Variants in RIT2 observed in about 807,000 individuals in gnomAD.
RIT2 encodes Ras like without CAAX 2.
Under a neutral mutation model 23.7 loss-of-function variants are expected in RIT2, and 24 were observed. The observed-to-expected ratio is 1.01, with a 90% confidence interval of 0.73 to 1.43. The LOEUF (loss-of-function observed/expected upper bound fraction) is 1.43. Ranked by LOEUF, RIT2 falls within the 40% of genes most tolerant of loss-of-function variation. The pLI, the probability that RIT2 is intolerant of heterozygous loss-of-function variation, is 0.00. For synonymous variants in RIT2, 107 were observed against 91.1 expected (o/e 1.17, Z -0.99); for missense variants, 236 against 266.9 (o/e 0.88, Z 0.81).
At chr18:43,037,404 G>C (rs1265160203) in intron 1 of RIT2, among the ~76,000 whole-genome samples, 1 of 152,022 alleles carries the variant, frequency 6.6e-6, no homozygotes, top group Admixed American at 6.5e-5. Context: ...CATTAACTTT[G>C]TTTCTATTTT....
At position 42,754,964 on chromosome 18, in the gene RIT2, C is replaced by G. The variant is rs953378815; in HGVS notation, c.427-11244G>C. Among the ~76,000 whole-genome samples the G allele has an allele frequency of 3.9e-5, 6 of 152,246 alleles. 1 individual carries two copies. In the Middle Eastern group the frequency reaches 0.014, roughly 345 times the overall value. On this transcript the variant is annotated intron_variant, in intron 4 of 4. Transcript: ENST00000326695. ...GGAATCACATTACTAGGATCTAAAT[C>G]CTGGCTACACCACTTTTTAGCCATG...
intron 4 of RIT2, among the ~76,000 whole-genome samples, chr18:42,887,545 C>T (rs1302798198): frequency 6.6e-6 from 1 of 152,120 alleles, no homozygotes; most frequent in Non-Finnish European, 1.5e-5. Context: ...TCCTTCATTA[C>T]TGGTGGAAGA....
At chr18:42,796,060 G>A (rs2143954250) in intron 4 of RIT2, among the ~76,000 whole-genome samples, 1 of 152,220 alleles carries the variant, frequency 6.6e-6, no homozygotes, top group Middle Eastern at 3.4e-3. Context: ...AGCCAGCAGT[G>A]GCAACCCGCT....
At chr18:42,971,251 T>G (rs1910355538) in intron 3 of RIT2, among the ~76,000 whole-genome samples, 1 of 151,982 alleles carries the variant, frequency 6.6e-6, no homozygotes. Context: ...AAAACAACTG[T>G]ATAGACCACC....
chr18:42,955,639 T>G (rs1392784102), intron 3 of RIT2, among the ~76,000 whole-genome samples: 1 of 152,222 alleles, frequency 6.6e-6, no homozygotes. Flanking sequence ...CCAAATATTC[T>G]GATGTAATTT....
chr18:42,776,940 G>T (rs892740361), intron 4 of RIT2, among the ~76,000 whole-genome samples: 6 of 152,032 alleles, frequency 3.9e-5, no homozygotes, highest in African/African-American at 1.4e-4. Flanking sequence ...GAAGAAGAAG[G>T]AAAACAAAGA....
chr18:42,777,256 C>A (rs1913693881), intron 4 of RIT2, among the ~76,000 whole-genome samples: 1 of 146,246 alleles, frequency 6.8e-6, no homozygotes, highest in Admixed American at 7.0e-5. Context: ...AAATGTCAGT[C>A]TGGCCATTGG....
intron 3 of RIT2, among the ~76,000 whole-genome samples, chr18:42,949,354 C>T (rs1909797124): frequency 6.6e-6 from 1 of 151,938 alleles, no homozygotes; most frequent in Non-Finnish European, 1.5e-5. Flanking sequence ...ATATGCATAC[C>T]ATAGTAAATT....
At chr18:42,833,712 T>C (rs1025671552) in intron 4 of RIT2, among the ~76,000 whole-genome samples, 16 of 152,180 alleles carry the variant, frequency 1.1e-4, no homozygotes, top group African/African-American at 3.6e-4. Flanking sequence ...AAGTGACTTG[T>C]TCAATACATT....
intron 1 of RIT2, among the ~76,000 whole-genome samples, chr18:43,053,263 T>C (rs1912426215): frequency 6.6e-6 from 1 of 152,056 alleles, no homozygotes; most frequent in African/African-American, 2.4e-5. Context: ...ATACATAAGT[T>C]ATGCTCACTT....
At chr18:42,755,008 T>C (rs555812149) in intron 4 of RIT2, among the ~76,000 whole-genome samples, 26 of 152,310 alleles carry the variant, frequency 1.7e-4, no homozygotes, top group African/African-American at 5.5e-4. Context: ...GGGAGTTGCT[T>C]AGACTGTGGT....
At chr18:42,920,576 T>C (rs1447423510) in intron 4 of RIT2, 1 of 635,188 alleles carries the variant, frequency 1.6e-6, no homozygotes, top group Non-Finnish European at 2.7e-6. Context: ...AGGAGGTGAA[T>C]AATGATAAAC....
Position 43,069,612 on chromosome 18 carries a change from A to G in RIT2, c.104-35745T>C, listed in dbSNP as rs138796772. Among the ~76,000 whole-genome samples, 519 of 152,214 alleles carry G rather than the reference A, an allele frequency of 3.4e-3. 4 individuals carry two copies. The highest frequency in any genetic ancestry group is 0.012 in the African/African-American group (491 of 41,530). On this transcript the variant is annotated intron_variant, in intron 1 of 4. Transcript: ENST00000326695. ...CTTCATACAGAAACCAGAGTGACAC[A>G]TGGAAAATATCAATCAAATCCTTTT...
intron 2 of RIT2, among the ~76,000 whole-genome samples, chr18:42,979,448 T>C (rs763289686): frequency 3.9e-5 from 6 of 152,120 alleles, no homozygotes; most frequent in Non-Finnish European, 7.4e-5. Context: ...TTTCTATAAC[T>C]CCAAGCTATT....
intron 3 of RIT2, among the ~76,000 whole-genome samples, chr18:42,933,105 A>C (rs542443322): frequency 1.3e-5 from 2 of 152,250 alleles, no homozygotes; most frequent in South Asian, 4.1e-4. Flanking sequence ...TAAAAAATTC[A>C]ATTAAATTGC....
At position 43,104,405 on chromosome 18, in the gene RIT2, T is replaced by G. The variant is rs542032247; in HGVS notation, c.103+11012A>C. Reference sequence around the variant, plus strand: ...GTTGGCTATAATTTATTGTGTATTTTCAAAAAGTTAGAGAGGATTTTAATG... The same window carrying G: ...GTTGGCTATAATTTATTGTGTATTTGCAAAAAGTTAGAGAGGATTTTAATG... On this transcript the variant is annotated intron_variant, in intron 1 of 4. Coordinates refer to ENST00000326695, the MANE Select transcript of RIT2 (RefSeq NM_002930.4). Among the ~76,000 whole-genome samples the G allele has an allele frequency of 5.3e-5, 8 of 152,242 alleles. No individual in the cohort carries two copies. In the East Asian group the frequency reaches 1.4e-3, roughly 26 times the overall value.
chr18:43,051,159 G>C (rs1269481315), intron 1 of RIT2, among the ~76,000 whole-genome samples: 1 of 152,024 alleles, frequency 6.6e-6, no homozygotes, highest in African/African-American at 2.4e-5. Context: ...CCCTGACTTA[G>C]AGGAGACCCA....
chr18:42,774,663 C>A (rs1479896577), intron 4 of RIT2, among the ~76,000 whole-genome samples: 1 of 150,688 alleles, frequency 6.6e-6, no homozygotes, highest in African/African-American at 2.4e-5. Context: ...AATTTGACAC[C>A]ATGGAGAGAT....
intron 1 of RIT2, among the ~76,000 whole-genome samples, chr18:43,053,639 G>A (rs996076841): frequency 2.6e-5 from 4 of 151,952 alleles, no homozygotes; most frequent in East Asian, 1.9e-4. Flanking sequence ...ATGATTCTGA[G>A]CATATTTAAA....
Sources: gnomAD v4.1 joint callset for allele counts (sites outside exome capture counted in the v4.1 genomes callset) on GRCh38, gnomAD v4.1.1 for gene constraint, MANE v1.5 for transcripts, NCBI Gene and HGNC (gene_info 2026-07-23, HGNC 2026-07-21) for gene names.